Variants in CDH18 observed in about 807,000 individuals in gnomAD.
CDH18 encodes cadherin-18.
In CDH18, 31 loss-of-function variants were observed where a neutral mutation model predicts 67.9. That is an observed-to-expected ratio of 0.46 (90% CI 0.34 to 0.62). The LOEUF is 0.62. Among genes scored for constraint, CDH18 ranks in the 20% least tolerant of loss-of-function variants. CDH18 has a pLI of 0.01. For missense variants in CDH18, 890 were observed against 975.5 expected (o/e 0.91, Z 1.17); for synonymous variants, 362 against 347.2 (o/e 1.04, Z -0.48).
chr5:19,965,804 C>A (rs977389800), intron 2 of CDH18, among the ~76,000 whole-genome samples: 17 of 151,960 alleles, frequency 1.1e-4, no homozygotes, highest in African/African-American at 3.9e-4. Flanking sequence ...GTGTGAGGTT[C>A]TTGTGGGAAC....
Position 20,072,859 on chromosome 5 carries a change from A to G in CDH18, c.-517-80845T>C, listed in dbSNP as rs192462418. ...AATACATATTCCCATGAAAAATTGG[A>G]GAAAGGATTGAATGTATTTTCATAT... On this transcript the variant is annotated intron_variant, in intron 2 of 14. Transcript: ENST00000507958. Among the ~76,000 whole-genome samples, 654 of 152,090 alleles carry G rather than the reference A, an allele frequency of 4.3e-3. 5 individuals are homozygous for G. Among genetic ancestry groups the G allele is most frequent in the African/African-American group, 0.015 (628 of 41,542 alleles).
intron 6 of CDH18, among the ~76,000 whole-genome samples, chr5:19,598,075 A>T (rs1340051602): frequency 6.6e-6 from 1 of 152,150 alleles, no homozygotes; most frequent in East Asian, 1.9e-4. Flanking sequence ...CATGCAGGAA[A>T]ATTTACTTAG....
intron 2 of CDH18, among the ~76,000 whole-genome samples, chr5:20,245,603 G>A (rs1743315471): frequency 6.6e-6 from 1 of 152,008 alleles, no homozygotes; most frequent in Admixed American, 6.6e-5. Flanking sequence ...AACCTAAATT[G>A]CAGTGCCTGG....
chr5:19,939,756 G>T (rs1794635395), intron 2 of CDH18, among the ~76,000 whole-genome samples: 2 of 151,686 alleles, frequency 1.3e-5, no homozygotes, highest in Non-Finnish European at 3.0e-5. Context: ...GATGTATACT[G>T]GTGATCATTT....
intron 1 of CDH18, among the ~76,000 whole-genome samples, chr5:20,534,542 T>G (rs763636760): frequency 1.3e-5 from 2 of 152,108 alleles, no homozygotes; most frequent in Non-Finnish European, 2.9e-5. Context: ...GTCACTTTTT[T>G]GTCTGTCTCC....
chr5:20,402,745 T>G (rs772960813), intron 1 of CDH18, among the ~76,000 whole-genome samples: 1 of 151,886 alleles, frequency 6.6e-6, no homozygotes, highest in Non-Finnish European at 1.5e-5. Flanking sequence ...CTTATCAGGG[T>G]GCTGCTTGTT....
At chr5:19,920,893 G>GCACAAA (rs1554064295) in intron 2 of CDH18, among the ~76,000 whole-genome samples, 10 of 146,104 alleles carry the variant, frequency 6.8e-5, no homozygotes, top group African/African-American at 2.5e-4. Context: ...ACCCACAAGA[G>GCACAAA]CACACACACA....
At chr5:20,078,558 TA>T (rs1744154867) in intron 2 of CDH18, among the ~76,000 whole-genome samples, 1 of 151,854 alleles carries the variant, frequency 6.6e-6, no homozygotes, top group African/African-American at 2.4e-5. Context: ...ACCAATAGAT[TA>T]GAGAAAACTT....
At chr5:20,414,635 A>G (rs934290355) in intron 1 of CDH18, among the ~76,000 whole-genome samples, 99 of 152,326 alleles carry the variant, frequency 6.5e-4, no homozygotes, top group African/African-American at 2.3e-3. Context: ...ATAAATGCCA[A>G]TTACCTAACT....
At chr5:20,279,592 G>T (rs1156864974) in intron 1 of CDH18, among the ~76,000 whole-genome samples, 1 of 150,344 alleles carries the variant, frequency 6.7e-6, no homozygotes, top group African/African-American at 2.4e-5. Context: ...CCAGCTACTT[G>T]GGAGGCTGAG....
intron 4 of CDH18, among the ~76,000 whole-genome samples, chr5:19,738,788 A>T (rs1768703730): frequency 6.6e-6 from 1 of 152,146 alleles, no homozygotes; most frequent in South Asian, 2.1e-4. Flanking sequence ...AATGGTTACT[A>T]GGCTTTATAC....
intron 5 of CDH18, among the ~76,000 whole-genome samples, chr5:19,641,501 G>A (rs561004794): frequency 1.2e-4 from 18 of 151,978 alleles, no homozygotes; most frequent in South Asian, 2.1e-4. Flanking sequence ...CCATGACCAC[G>A]TGAGATTTAT....
chr5:19,842,358 C>T (rs1782423914), intron 2 of CDH18, among the ~76,000 whole-genome samples: 1 of 152,128 alleles, frequency 6.6e-6, no homozygotes, highest in Admixed American at 6.6e-5. Flanking sequence ...ATGGGGGCTG[C>T]TCCCCCATGC....
At chr5:19,998,665 G>A (rs766381696) in intron 2 of CDH18, among the ~76,000 whole-genome samples, 1 of 152,010 alleles carries the variant, frequency 6.6e-6, no homozygotes, top group Non-Finnish European at 1.5e-5. Context: ...ACCCTAAACA[G>A]TATTAGTATT....
At chr5:20,009,601 G>C (rs76583678) in intron 2 of CDH18, among the ~76,000 whole-genome samples, 10,815 of 152,082 alleles carry the variant, frequency 0.071, 423 homozygotes, top group East Asian at 0.14. Flanking sequence ...AATATACGAA[G>C]TTTTCACAAT....
At chr5:20,518,505 ATT>A (rs1755516541) in intron 1 of CDH18, among the ~76,000 whole-genome samples, 1 of 152,132 alleles carries the variant, frequency 6.6e-6, no homozygotes, top group Non-Finnish European at 1.5e-5. Context: ...CAACAGAAAA[ATT>A]ATGGATCCTG....
intron 1 of CDH18, among the ~76,000 whole-genome samples, chr5:20,268,838 GA>G (rs1227816499): frequency 6.6e-6 from 1 of 152,126 alleles, no homozygotes; most frequent in East Asian, 1.9e-4. Flanking sequence ...TTATGACTAA[GA>G]CTGCATAAGC....
At chr5:20,256,677 G>T (rs573656492) in intron 1 of CDH18, among the ~76,000 whole-genome samples, 3 of 152,078 alleles carry the variant, frequency 2.0e-5, no homozygotes, top group Middle Eastern at 3.4e-3. Flanking sequence ...TATAAAGACA[G>T]AAGAAGATGT....
intron 2 of CDH18, among the ~76,000 whole-genome samples, chr5:19,999,862 G>A (rs7718380): frequency 6.6e-5 from 10 of 152,076 alleles, no homozygotes; most frequent in Admixed American, 1.3e-4. Flanking sequence ...AGCCCTACTC[G>A]TCACTTCTAC....
Sources: allele counts gnomAD v4.1 joint callset (sites outside exome capture counted in the v4.1 genomes callset), GRCh38; gene constraint gnomAD v4.1.1; transcripts MANE v1.5; gene names NCBI Gene and HGNC (gene_info 2026-07-23, HGNC 2026-07-21).